The following SCFD2 variants were observed in gnomAD, a reference collection of about 807,000 sequenced individuals.
The protein encoded by SCFD2 is sec1 family domain containing 2.
SCFD2 carries 54 observed loss-of-function variants against 58.9 expected under a neutral mutation model. The observed-to-expected ratio is 0.92, with a 90% confidence interval of 0.74 to 1.15. The LOEUF (loss-of-function observed/expected upper bound fraction) is 1.15, where lower values mean the gene tolerates loss of function less well. SCFD2 is among the 50% of genes most tolerant of loss of function. The pLI, the probability that SCFD2 is intolerant of heterozygous loss-of-function variation, is 0.00. For synonymous variants in SCFD2, 321 were observed against 335.9 expected (o/e 0.96, Z 0.49); for missense variants, 805 against 836.6 (o/e 0.96, Z 0.47).
intron 4 of SCFD2, among the ~76,000 whole-genome samples, chr4:53,252,365 A>G (rs1386548751): frequency 6.6e-6 from 1 of 151,058 alleles, no homozygotes; most frequent in South Asian, 2.1e-4. Flanking sequence ...GCCTTTCTTC[A>G]CAGAATTGGA....
chr4:53,152,737 T>C (rs184044633), intron 4 of SCFD2, among the ~76,000 whole-genome samples: 4 of 152,290 alleles, frequency 2.6e-5, no homozygotes, highest in Non-Finnish European at 4.4e-5. Context: ...TCCTTTCACT[T>C]ATAAGCCTGA....
At chr4:53,207,386 A>G (rs1233220121) in intron 4 of SCFD2, among the ~76,000 whole-genome samples, 1 of 146,232 alleles carries the variant, frequency 6.8e-6, no homozygotes, top group African/African-American at 2.5e-5. Flanking sequence ...TCAAACTGCT[A>G]TACTGACAAA....
chr4:52,975,279 T>C (rs1037234852), intron 5 of SCFD2, among the ~76,000 whole-genome samples: 2 of 152,074 alleles, frequency 1.3e-5, no homozygotes, highest in African/African-American at 4.8e-5. Flanking sequence ...CATCTGACCA[T>C]GGGCTAATAT....
intron 5 of SCFD2, among the ~76,000 whole-genome samples, chr4:53,092,235 T>C (rs1243585065): frequency 2.0e-5 from 3 of 152,184 alleles, no homozygotes; most frequent in African/African-American, 7.2e-5. Flanking sequence ...ATTTACATTA[T>C]AATTTGCCTG....
At chr4:52,998,774 C>A (rs1222489613) in intron 5 of SCFD2, among the ~76,000 whole-genome samples, 1 of 152,058 alleles carries the variant, frequency 6.6e-6, no homozygotes, top group Non-Finnish European at 1.5e-5. Context: ...CTTCAAAATA[C>A]TAAAGGAAAT....
chr4:52,895,633 C>T (rs1201463385), intron 7 of SCFD2, among the ~76,000 whole-genome samples: 12 of 152,144 alleles, frequency 7.9e-5, no homozygotes, highest in African/African-American at 2.4e-4. Flanking sequence ...AATAAACACA[C>T]GTGTGCATGT....
In SCFD2 at chr4:52,993,957, C is replaced by T. The variant is rs536207873; in HGVS notation, c.1562-73087G>A. ...CAGTGCCACGGCAAGGGAAACAAAG[C>T]GCAGACCGCATTGCTTGGGCCCCAG... On this transcript the variant is annotated intron_variant, in intron 5 of 8. Transcript: ENST00000401642. Among the ~76,000 whole-genome samples, 9 of 152,348 alleles carry T rather than the reference C, an allele frequency of 5.9e-5. No homozygotes were observed. In the East Asian group the frequency reaches 1.4e-3, roughly 23 times the overall value.
chr4:53,008,648 T>C (rs1364191018), intron 5 of SCFD2, among the ~76,000 whole-genome samples: 2 of 151,998 alleles, frequency 1.3e-5, no homozygotes, highest in Non-Finnish European at 2.9e-5. Flanking sequence ...GAGAGGTGCA[T>C]GTATAAAACG....
chr4:53,099,004 T>C (rs1454350367), intron 5 of SCFD2, among the ~76,000 whole-genome samples: 1 of 152,206 alleles, frequency 6.6e-6, no homozygotes, highest in Admixed American at 6.6e-5. Context: ...AGCTAAACTG[T>C]AAGCTCTGTA....
intron 4 of SCFD2, among the ~76,000 whole-genome samples, chr4:53,270,110 T>A (rs1577917471): frequency 6.6e-6 from 1 of 152,166 alleles, no homozygotes; most frequent in South Asian, 2.1e-4. Flanking sequence ...TATCCAGCGA[T>A]TTGTATGTGT....
intron 5 of SCFD2, among the ~76,000 whole-genome samples, chr4:53,130,575 C>T (rs1725759196): frequency 6.6e-6 from 1 of 152,022 alleles, no homozygotes; most frequent in African/African-American, 2.4e-5. Context: ...ATCCCTTCCC[C>T]CATCTCCCCT....
At chr4:53,149,170 G>T (rs1726430960) in intron 4 of SCFD2, among the ~76,000 whole-genome samples, 1 of 152,190 alleles carries the variant, frequency 6.6e-6, no homozygotes, top group Non-Finnish European at 1.5e-5. Context: ...ACAGCCAGTG[G>T]CCAGATCTTA....
At chr4:53,054,042 C>G (rs542055307) in intron 5 of SCFD2, among the ~76,000 whole-genome samples, 1 of 152,096 alleles carries the variant, frequency 6.6e-6, no homozygotes, top group African/African-American at 2.4e-5. Flanking sequence ...TTTCTTCTAT[C>G]AAGCTGTATA....
At chr4:53,263,824 GT>G (rs1264516573) in intron 4 of SCFD2, among the ~76,000 whole-genome samples, 1 of 152,162 alleles carries the variant, frequency 6.6e-6, no homozygotes, top group Non-Finnish European at 1.5e-5. Flanking sequence ...AAGTATTCAG[GT>G]TTTTCAGGCA....
At chr4:53,051,651 T>A (rs1482980307) in intron 5 of SCFD2, among the ~76,000 whole-genome samples, 1 of 152,200 alleles carries the variant, frequency 6.6e-6, no homozygotes, top group Non-Finnish European at 1.5e-5. Context: ...TTAATACGAC[T>A]GCTTATTTCA....
chr4:53,075,008 G>A (rs1210578590), intron 5 of SCFD2, among the ~76,000 whole-genome samples: 3 of 152,116 alleles, frequency 2.0e-5, no homozygotes, highest in Non-Finnish European at 4.4e-5. Context: ...AGTCCTAGAT[G>A]GCATCTTCTT....
At chr4:53,344,012 G>A (rs949764829) in intron 2 of SCFD2, among the ~76,000 whole-genome samples, 2 of 152,122 alleles carry the variant, frequency 1.3e-5, no homozygotes, top group Admixed American at 6.5e-5. Flanking sequence ...GACAAAAACT[G>A]GAAGCATTCC....
At chr4:52,971,512 T>C (rs1366492820) in intron 5 of SCFD2, among the ~76,000 whole-genome samples, 1 of 152,184 alleles carries the variant, frequency 6.6e-6, no homozygotes, top group Admixed American at 6.5e-5. Context: ...AATATGGGAC[T>C]ATGTGAAAAG....
chr4:53,097,795 G>C (rs894802517), intron 5 of SCFD2, among the ~76,000 whole-genome samples: 2 of 152,272 alleles, frequency 1.3e-5, no homozygotes, highest in African/African-American at 4.8e-5. Flanking sequence ...TCTTGTGCCA[G>C]TTTTCAAAGG....
Sources: gnomAD v4.1 joint callset for allele counts (sites outside exome capture counted in the v4.1 genomes callset) on GRCh38, gnomAD v4.1.1 for gene constraint, MANE v1.5 for transcripts, NCBI Gene and HGNC (gene_info 2026-07-23, HGNC 2026-07-21) for gene names.